Variants in POLE observed in about 807,000 individuals in gnomAD.
POLE encodes the protein DNA polymerase epsilon, catalytic subunit, also known as DNA polymerase epsilon catalytic subunit A.
A neutral mutation model predicts 279.2 loss-of-function variants in POLE; 188 were observed. That is an observed-to-expected ratio of 0.67 (90% CI 0.60 to 0.76). The LOEUF (loss-of-function observed/expected upper bound fraction) is 0.76, where lower values mean the gene tolerates loss of function less well. POLE is among the 30% of genes least tolerant of loss of function. The probability of loss-of-function intolerance (pLI) is 0.00; values close to 1 mark genes in which losing one functional copy is unlikely to be tolerated. For synonymous variants in POLE, 1,214 were observed against 1,172.5 expected (o/e 1.04, Z -0.72); for missense variants, 2,703 against 3,016.7 (o/e 0.90, Z 2.44).
rs762966814 is a variant in POLE at position 132,639,339 on chromosome 12, C to A, written c.5379-41G>T. The A allele has an allele frequency of 6.3e-7, 1 of 1,597,074 alleles. No individual in the cohort carries two copies. The highest frequency in any genetic ancestry group is 1.7e-5 in the Admixed American group (1 of 59,718). ...CACGACACCCTCGTACCCTCAGCCT[C>A]CCACGCTGCTGCCACGCGGGACGCT... On this transcript the variant is annotated intron_variant, in intron 39 of 48. Coordinates refer to ENST00000320574, the MANE Select transcript of POLE (RefSeq NM_006231.4). This position sits in a 1 kb window ranked among gnomAD's most constrained non-coding sequence, Gnocchi z 4.7.
At position 132,634,709 on chromosome 12, in the gene POLE, C is replaced by A. The variant is rs2138477775; in HGVS notation, c.5812-331G>T. Among the ~76,000 whole-genome samples, 2 of 152,294 alleles carry A rather than the reference C, an allele frequency of 1.3e-5. No homozygotes were observed. Among genetic ancestry groups the A allele is most frequent in the Middle Eastern group, 6.8e-3 (2 of 294 alleles). ...CAGAGCTTCCCGGTGACTGTTCTCT[C>A]CTCTGAGTCCATGAATCTCCTGGGA... On this transcript the variant is annotated intron_variant, in intron 42 of 48. Coordinates refer to ENST00000320574, the MANE Select transcript of POLE (RefSeq NM_006231.4). This position sits in a 1 kb window ranked among gnomAD's most constrained non-coding sequence, Gnocchi z 4.0.
chr12:132,675,314 T>C lies in POLE; in HGVS notation c.1226+84A>G. 1 of 1,526,608 alleles carries C rather than the reference T, an allele frequency of 6.6e-7. No individual in the cohort carries two copies. Among genetic ancestry groups the C allele is most frequent in the Middle Eastern group, 1.7e-4 (1 of 5,718 alleles). The allele number at this position is 1,526,608 out of a possible 1,614,324, so 94.6% of individuals were successfully genotyped here. On this transcript the variant is annotated intron_variant, in intron 12 of 48. Transcript: ENST00000320574. The surrounding 1 kb of genome is among the most constrained non-coding windows in gnomAD (Gnocchi z 4.3). ...CGGAGGCCACCCTCCTCCCATGAGA[T>C]GTGGTGACAGCACAGTCTGCAAGAG...
At chr12:132,680,250 G>C (rs1357286721) in intron 3 of POLE, 28 bp from the exon 4 acceptor site, 3 of 1,605,366 alleles carry the variant, frequency 1.9e-6, no homozygotes, top group Non-Finnish European at 2.6e-6. Context: ...CCCATCCAGG[G>C]GTGATGAGAA....
chr12:132,686,798 C>A (rs2043280461), intron 1 of POLE, among the ~76,000 whole-genome samples: 1 of 152,132 alleles, frequency 6.6e-6, no homozygotes, highest in Admixed American at 6.5e-5. Flanking sequence ...AGAACAGGAT[C>A]CTGGGCTCCA....
intron 1 of POLE, among the ~76,000 whole-genome samples, chr12:132,686,378 T>G (rs2043267375): frequency 6.6e-6 from 1 of 151,962 alleles, no homozygotes. Context: ...CGGCTCGGAT[T>G]CGGGAGTATT....
rs1190964608 is a variant in POLE at position 132,624,236 on chromosome 12, T to G, written c.*461A>C. ...ATTTCTCCATGCAAACAGGTGAGAC[T>G]CCAGCCCCACCAGGGCCTTGGGAAC... On this transcript the variant is annotated 3_prime_UTR_variant, in exon 49 of 49. Transcript: ENST00000320574. 4.0e-6 allele frequency: 1 copy of G among 247,936 alleles called. No individual in the cohort carries two copies. The highest frequency in any genetic ancestry group is 6.0e-5 in the East Asian group (1 of 16,800). The allele number at this position is 247,936 out of a possible 1,614,324, so 15.4% of individuals were successfully genotyped here.
At chr12:132,656,507 C>T (rs1321159195) in intron 29 of POLE, among the ~76,000 whole-genome samples, 1 of 152,002 alleles carries the variant, frequency 6.6e-6, no homozygotes, top group Admixed American at 6.5e-5. Flanking sequence ...TACAGGCGCC[C>T]ACCACTACGC....
chr12:132,632,681 G>T lies in POLE; in HGVS notation c.6119C>A (p.Ala2040Glu), dbSNP rs5745021. ...ASQLSQEAEGAVGALPGMITF... is the reference protein window; with the variant it reads ...ASQLSQEAEGEVGALPGMITF... The stretch of plus-strand genomic sequence containing the variant: ...CTGCTCACCGGGAAGGGCTCCGACC[G>T]CCCCCTCGGCCTCCTGGGAGAGCTG... The change falls in exon 44 of 49, where the codon GCG becomes GAG. Residue 2040 changes from alanine (A) to glutamate (E), a missense_variant. Physicochemically the swap from Ala to Glu is moderately radical, Grantham distance 107 (BLOSUM62 -1). Coordinates refer to ENST00000320574, the MANE Select transcript of POLE (RefSeq NM_006231.4). 1 of 1,613,784 alleles carries T rather than the reference G, an allele frequency of 6.2e-7. No individual in the cohort carries two copies. Among genetic ancestry groups the T allele is most frequent in the African/African-American group, 1.3e-5 (1 of 74,888 alleles).
In POLE at chr12:132,649,522, T is replaced by G. The variant is rs1435251220; in HGVS notation, c.3796-7A>C. ...GCCAGACAAGCCATTCCTCCTGGGATGGATGGTGAGCACAGCCAGTGTGCA... is the reference window on the plus strand; with the variant it reads ...GCCAGACAAGCCATTCCTCCTGGGAGGGATGGTGAGCACAGCCAGTGTGCA... On this transcript the variant is annotated splice_polypyrimidine_tract_variant and splice_region_variant and intron_variant, in intron 30 of 48. Transcript: ENST00000320574. 1 of 1,612,016 alleles carries G rather than the reference T, an allele frequency of 6.2e-7. No homozygotes were observed. The highest frequency in any genetic ancestry group is 1.7e-5 in the Admixed American group (1 of 60,012).
chr12:132,632,215 C>T (rs2041946360), intron 45 of POLE, 100 bp downstream of exon 45: 4 of 893,068 alleles, frequency 4.5e-6, no homozygotes, highest in Non-Finnish European at 7.1e-6. Flanking sequence ...CTAGCACGTT[C>T]ATGGTGCACG....
In POLE at chr12:132,632,730, G is replaced by T. The variant is rs778855135; in HGVS notation, c.6070C>A (p.Pro2024Thr). The T allele has an allele frequency of 6.2e-7, 1 of 1,613,412 alleles. No homozygotes were observed. Among genetic ancestry groups the T allele is most frequent in the Admixed American group, 1.7e-5 (1 of 60,016 alleles). Residue 2024 changes from proline to threonine, a missense_variant, in exon 44 of 49, where the codon CCC (proline) becomes ACC (threonine). Physicochemically the swap from Pro to Thr is conservative, Grantham distance 38. Coordinates refer to ENST00000320574, the MANE Select transcript of POLE (RefSeq NM_006231.4). ...TGGCTGGCCCCCCTCCTCCTCACGG[G>T]GGTGCTCCCTGGAGCACTGCGCCTC... ...GLRRSAPGST[P>T]VRRRGASQLS...
chr12:132,650,449 T>A (rs943500685), intron 29 of POLE: 1 of 154,066 alleles, frequency 6.5e-6, no homozygotes, highest in Non-Finnish European at 1.4e-5. Flanking sequence ...ACTCCGTCTC[T>A]ACAAAAAATA....
rs528472739 is a variant in POLE, at chr12:132,654,131, C to A, written c.3582+3005G>T. ...GTTTTCAATTATGTTACCAAAGTAA[C>A]AAGGATTGCCAAGGTTACCAAATGA... On this transcript the variant is annotated intron_variant, in intron 29 of 48. Transcript: ENST00000320574. Among the ~76,000 whole-genome samples the A allele has an allele frequency of 5.3e-5, 8 of 151,656 alleles. No individual in the cohort carries two copies. The East Asian group carries it at 1.5e-3, about 29-fold the overall frequency.
chr12:132,658,416 G>A (rs143056060), intron 26 of POLE: 192 of 170,214 alleles, frequency 1.1e-3, no homozygotes, highest in African/African-American at 4.4e-3. Context: ...GTAACCACGC[G>A]CATGCGTATA....
In POLE at chr12:132,680,202, C is replaced by T. The variant is rs759888478; in HGVS notation, c.306G>A (p.Pro102=). ...SRFKVALPYK[P]YFYIATRKGC... is the part of the protein sequence containing the mutation. ...CCTTTCTGGTCGCAATGTAGAAATA[C>T]GGTTTATAGGGCAAAGCCACCTGTT... Residue 102 remains proline (P), a synonymous_variant, in exon 4 of 49, where the codon CCG becomes CCA. Transcript: ENST00000320574. 16 of 1,613,954 alleles carry T rather than the reference C, an allele frequency of 9.9e-6. No individual in the cohort carries two copies. Among genetic ancestry groups the T allele is most frequent in the African/African-American group, 2.7e-5 (2 of 74,906 alleles).
Position 132,675,332 on chromosome 12 carries a change from T to C in POLE, c.1226+66A>G. The C allele has an allele frequency of 6.3e-7, 1 of 1,578,586 alleles. No individual in the cohort carries two copies. Among genetic ancestry groups the C allele is most frequent in the South Asian group, 1.2e-5 (1 of 85,270 alleles). Reference sequence around the variant, plus strand: ...CATGAGATGTGGTGACAGCACAGTCTGCAAGAGGCCTTCAGATCTCGCTCA... The same window carrying C: ...CATGAGATGTGGTGACAGCACAGTCCGCAAGAGGCCTTCAGATCTCGCTCA... On this transcript the variant is annotated intron_variant, in intron 12 of 48. Transcript: ENST00000320574. This position sits in a 1 kb window ranked among gnomAD's most constrained non-coding sequence, Gnocchi z 4.3.
intron 16 of POLE, among the ~76,000 whole-genome samples, chr12:132,669,835 T>C (rs2042885177): frequency 6.6e-6 from 1 of 152,134 alleles, no homozygotes; most frequent in Non-Finnish European, 1.5e-5. Flanking sequence ...GCCCAACAGG[T>C]GACCCTTCAG....
chr12:132,661,377 C>T lies in POLE; in HGVS notation c.2864+150G>A. The T allele has an allele frequency of 1.0e-6, 1 of 1,000,212 alleles. No individual in the cohort carries two copies. Among genetic ancestry groups the T allele is most frequent in the South Asian group, 1.6e-5 (1 of 62,978 alleles). The allele number at this position is 1,000,212 out of a possible 1,614,324, so 62.0% of individuals were successfully genotyped here. A position where few individuals can be genotyped will look rare whatever the true frequency, so the allele number is the denominator to read the frequency against. ...ACAGAGCCAGAATACAGCAGGCGGGCAGACAGAGCTGGTGCAAACGGAATC... is the reference window on the plus strand; with the variant it reads ...ACAGAGCCAGAATACAGCAGGCGGGTAGACAGAGCTGGTGCAAACGGAATC... On this transcript the variant is annotated intron_variant, in intron 24 of 48. Transcript: ENST00000320574. The surrounding 1 kb of genome is among the most constrained non-coding windows in gnomAD (Gnocchi z 4.1).
At chr12:132,655,013 C>A (rs1370630428) in intron 29 of POLE, among the ~76,000 whole-genome samples, 1 of 152,220 alleles carries the variant, frequency 6.6e-6, no homozygotes, top group African/African-American at 2.4e-5. Context: ...AGCAATCCTC[C>A]TGCCTCTCAG....
Sources: gnomAD v4.1 joint callset for allele counts (sites outside exome capture counted in the v4.1 genomes callset) on GRCh38, gnomAD v4.1.1 for gene constraint, Gnocchi (gnomAD v3.1) non-coding constraint, MANE v1.5 for transcripts, NCBI Gene and HGNC (gene_info 2026-07-23, HGNC 2026-07-21) for gene names.